Variants in TECRL observed in about 807,000 individuals in gnomAD.
TECRL encodes the protein trans-2,3-enoyl-CoA reductase-like.
TECRL carries 63 observed loss-of-function variants against 52.8 expected under a neutral mutation model. The observed-to-expected ratio is 1.19, with a 90% CI of 0.97 to 1.47. TECRL has a LOEUF of 1.47. Among genes scored for constraint, TECRL ranks in the 40% most tolerant of loss-of-function variants. The pLI is 0.00. For synonymous variants in TECRL, 164 were observed against 141.9 expected (o/e 1.16, Z -1.10); for missense variants, 482 against 429.6 (o/e 1.12, Z -1.08).
At chr4:64,389,412 A>G (rs1178849595) in intron 1 of TECRL, among the ~76,000 whole-genome samples, 1 of 151,884 alleles carries the variant, frequency 6.6e-6, no homozygotes, top group Non-Finnish European at 1.5e-5. Flanking sequence ...GATGTGATGA[A>G]CCACATTAAT....
rs561951485 is a variant in TECRL at position 64,358,685 on chromosome 4, T to A, written c.286+16487A>T. Among the ~76,000 whole-genome samples the A allele has an allele frequency of 4.6e-5, 7 of 151,842 alleles. No homozygotes were observed. The South Asian group carries it at 1.5e-3, about 32-fold the overall frequency. On this transcript the variant is annotated intron_variant, in intron 2 of 11. Coordinates refer to ENST00000381210, the MANE Select transcript of TECRL (RefSeq NM_001010874.5). The stretch of plus-strand genomic sequence containing the variant: ...TTATTATCTTTCAAAAATAAACTCA[T>A]TGTATTGAATCTGATGCCTTCCCAA...
chr4:64,360,907 C>T (rs940082999), intron 2 of TECRL, among the ~76,000 whole-genome samples: 1 of 152,130 alleles, frequency 6.6e-6, no homozygotes, highest in Non-Finnish European at 1.5e-5. Context: ...CTGCATAGGG[C>T]GCAGAAGGTT....
chr4:64,288,919 G>T (rs989730069), intron 9 of TECRL, among the ~76,000 whole-genome samples: 3 of 152,124 alleles, frequency 2.0e-5, no homozygotes, highest in African/African-American at 7.2e-5. Context: ...GGATTACAAA[G>T]TTTTGCCTCA....
intron 4 of TECRL, 29 bp from the exon 5 acceptor site, chr4:64,314,792 C>T (rs772356164): frequency 1.8e-5 from 26 of 1,470,180 alleles, no homozygotes; most frequent in Non-Finnish European, 2.2e-5. Flanking sequence ...TTAGATTAAA[C>T]GATAAAAATA....
At chr4:64,283,817 G>T (rs887604892) in intron 9 of TECRL, among the ~76,000 whole-genome samples, 2 of 152,070 alleles carry the variant, frequency 1.3e-5, no homozygotes, top group Non-Finnish European at 2.9e-5. Flanking sequence ...CCTTGAGCCT[G>T]CAGAGGTGGC....
chr4:64,314,537 A>C, intron 5 of TECRL, 111 bp downstream of exon 5: 1 of 784,920 alleles, frequency 1.3e-6, no homozygotes, highest in Non-Finnish European at 2.1e-6. Flanking sequence ...TTTAGTAACA[A>C]CCTTTATTAA....
chr4:64,396,912 C>T (rs1723995019), intron 1 of TECRL, among the ~76,000 whole-genome samples: 2 of 152,044 alleles, frequency 1.3e-5, no homozygotes, highest in East Asian at 3.9e-4. Context: ...GAATAGGAAG[C>T]CCTTTCCCCA....
chr4:64,374,376 T>C (rs930946740), intron 2 of TECRL, among the ~76,000 whole-genome samples: 78 of 151,868 alleles, frequency 5.1e-4, no homozygotes, highest in South Asian at 1.5e-3. Flanking sequence ...TATTCATAGA[T>C]TCTTTTTTAA....
At chr4:64,361,324 C>T (rs931381970) in intron 2 of TECRL, among the ~76,000 whole-genome samples, 13 of 152,166 alleles carry the variant, frequency 8.5e-5, no homozygotes, top group African/African-American at 3.1e-4. Flanking sequence ...ACCTGATGAA[C>T]CTGTCATCAT....
chr4:64,341,915 T>A (rs114197565), intron 2 of TECRL, among the ~76,000 whole-genome samples: 11,832 of 152,064 alleles, frequency 0.078, 618 homozygotes, highest in African/African-American at 0.14. Context: ...GACTGTGGAG[T>A]GGCCTGATCC....
In TECRL at chr4:64,286,849, G is replaced by A. The variant is rs116806231; in HGVS notation, c.832+2861C>T. The stretch of plus-strand genomic sequence containing the variant: ...TTTTCAAATGATGACACTATATTTC[G>A]AATAAATGAAGAAGCTTGAGTTGAT... On this transcript the variant is annotated intron_variant, in intron 9 of 11. Transcript: ENST00000381210. Among the ~76,000 whole-genome samples, 799 of 152,082 alleles carry A rather than the reference G, an allele frequency of 5.3e-3. 5 individuals carry two copies. The highest frequency in any genetic ancestry group is 0.018 in the African/African-American group (745 of 41,498).
chr4:64,349,169 G>C (rs1720205743), intron 2 of TECRL, among the ~76,000 whole-genome samples: 1 of 89,594 alleles, frequency 1.1e-5, no homozygotes, highest in South Asian at 4.1e-4. Context: ...TTTCACTCTT[G>C]TTGCCCAGGC....
At chr4:64,292,219 T>C (rs1275398713) in intron 8 of TECRL, among the ~76,000 whole-genome samples, 2 of 152,048 alleles carry the variant, frequency 1.3e-5, no homozygotes, top group Admixed American at 6.6e-5. Flanking sequence ...CAGCATGACA[T>C]ATATTTCTCC....
intron 5 of TECRL, among the ~76,000 whole-genome samples, chr4:64,313,574 C>G (rs1177030458): frequency 6.8e-6 from 1 of 146,598 alleles, no homozygotes; most frequent in Non-Finnish European, 1.5e-5. Context: ...CTCCACCTCC[C>G]GGGTTCACAC....
rs570178718 is a variant in TECRL, at chr4:64,334,262, T to C, written c.287-5706A>G. Among the ~76,000 whole-genome samples, 8 of 152,208 alleles carry C rather than the reference T, an allele frequency of 5.3e-5. 1 individual carries two copies. In the East Asian group the frequency reaches 1.6e-3, roughly 30 times the overall value. ...AAAGATATTGGCTGCTGATTTAATATTGTTAAATTAGCTGGGTTTATTTTG... is the reference window on the plus strand; with the variant it reads ...AAAGATATTGGCTGCTGATTTAATACTGTTAAATTAGCTGGGTTTATTTTG... On this transcript the variant is annotated intron_variant, in intron 2 of 11. Coordinates refer to ENST00000381210, the MANE Select transcript of TECRL (RefSeq NM_001010874.5).
chr4:64,407,720 G>A (rs1421188856), intron 1 of TECRL, among the ~76,000 whole-genome samples: 2 of 151,184 alleles, frequency 1.3e-5, no homozygotes, highest in Non-Finnish European at 3.0e-5. Context: ...TAAGATTTGT[G>A]TTTTTCATAG....
At chr4:64,342,047 C>A (rs1448339815) in intron 2 of TECRL, among the ~76,000 whole-genome samples, 2 of 152,058 alleles carry the variant, frequency 1.3e-5, no homozygotes, top group Non-Finnish European at 2.9e-5. Flanking sequence ...CAGAATGAGC[C>A]CAGCAGGCCC....
At chr4:64,307,346 A>T (rs1560485846) in intron 6 of TECRL, among the ~76,000 whole-genome samples, 1 of 152,172 alleles carries the variant, frequency 6.6e-6, no homozygotes, top group Non-Finnish European at 1.5e-5. Flanking sequence ...TCAACACTGG[A>T]GAGCTGGGGT....
rs1717340702 is a variant in TECRL, at chr4:64,314,593, GTGTGTGTGTGTGTGTGT to G, written c.551+38_551+54del. 1.0e-4 allele frequency: 27 copies of G among 264,778 alleles called. 1 individual carries two copies. Among genetic ancestry groups the G allele is most frequent in the South Asian group, 4.1e-4 (9 of 21,930 alleles). 16.4% of individuals were successfully genotyped at this position (264,778 alleles called of 1,614,324 possible). ...TCATCCCCTCCTTAACGTGTATGGT[GTGTGTGTGTGTGTGTGT>G]GTGTGTGTGTGTGTGTGTGTGTGTG... On this transcript the variant is annotated intron_variant, in intron 5 of 11. Coordinates refer to ENST00000381210, the MANE Select transcript of TECRL (RefSeq NM_001010874.5).
Sources: gnomAD v4.1 joint callset for allele counts (sites outside exome capture counted in the v4.1 genomes callset) on GRCh38, gnomAD v4.1.1 for gene constraint, MANE v1.5 for transcripts, NCBI Gene and HGNC (gene_info 2026-07-23, HGNC 2026-07-21) for gene names.